Variants in C2CD5 observed in about 807,000 individuals in gnomAD.
C2CD5 encodes C2 domain-containing protein 5.
C2CD5 carries 109 observed loss-of-function variants against 130.3 expected under a neutral mutation model. The observed-to-expected ratio is 0.84, with a 90% confidence interval of 0.72 to 0.98. The LOEUF (loss-of-function observed/expected upper bound fraction) is 0.98, where lower values mean the gene tolerates loss of function less well. Ranked by LOEUF, C2CD5 falls within the 50% of genes least tolerant of loss-of-function variation. C2CD5 has a pLI of 0.00. For missense variants in C2CD5, 996 were observed against 1,261.8 expected, an observed-to-expected ratio of 0.79 and a Z score of 3.19; for synonymous variants, 454 against 429.2, an observed-to-expected ratio of 1.06 and a Z score of -0.71.
chr12:22,490,244 T>G lies in C2CD5; in HGVS notation c.1263-26A>C, dbSNP rs755623999. ...CTATAAAGGAAAAAACACAAACAAG[T>G]TAACATTTTTCAGACCGTATAACTT... On this transcript the variant is annotated intron_variant, in intron 11 of 26. Transcript: ENST00000446597. The G allele has an allele frequency of 1.5e-5, 23 of 1,512,860 alleles. No homozygotes were observed. In the South Asian group the frequency reaches 2.6e-4, roughly 17 times the overall value. 93.7% of individuals were successfully genotyped at this position (1,512,860 alleles called of 1,614,324 possible).
chr12:22,502,906 G>A lies in C2CD5; in HGVS notation c.1147+3805C>T, dbSNP rs551591213. On this transcript the variant is annotated intron_variant, in intron 10 of 26. Transcript: ENST00000446597. ...AAGAACGCAATTGACAACACCACTC[G>A]ACAGGAACTGGAAAGACATAGACAG... The A allele has an allele frequency of 7.6e-6, 5 of 655,136 alleles. No individual in the cohort carries two copies. The East Asian group carries it at 8.3e-5, about 11-fold the overall frequency. 40.6% of individuals were successfully genotyped at this position (655,136 alleles called of 1,614,324 possible). A position where few individuals can be genotyped will look rare whatever the true frequency, so the allele number is the denominator to read the frequency against.
chr12:22,463,935 C>T (rs1941628879), intron 22 of C2CD5: 1 of 152,074 alleles, frequency 6.6e-6, no homozygotes, highest in Admixed American at 6.6e-5. Context: ...TTATTATGAT[C>T]AAAACTGGGT....
chr12:22,527,351 G>C (rs1248501704), intron 4 of C2CD5, among the ~76,000 whole-genome samples: 1 of 124,080 alleles, frequency 8.1e-6, no homozygotes, highest in African/African-American at 3.6e-5. Flanking sequence ...TTTTTTTTGA[G>C]CTAGAGTTTC....
chr12:22,487,945 C>T (rs1431165628), intron 12 of C2CD5, among the ~76,000 whole-genome samples: 6 of 150,226 alleles, frequency 4.0e-5, no homozygotes, highest in African/African-American at 1.2e-4. Context: ...AGCAAACTAT[C>T]ACAAGGACAA....
intron 26 of C2CD5, among the ~76,000 whole-genome samples, chr12:22,452,295 T>C (rs1158472976): frequency 2.6e-5 from 4 of 152,188 alleles, no homozygotes; most frequent in Admixed American, 6.6e-5. Flanking sequence ...CTGCTCAGGA[T>C]GTGCCTGGTT....
At chr12:22,487,848 G>A (rs988647778) in intron 12 of C2CD5, among the ~76,000 whole-genome samples, 1 of 152,078 alleles carries the variant, frequency 6.6e-6, no homozygotes, top group East Asian at 1.9e-4. Context: ...GTGGCACCTA[G>A]ACACCATGGA....
intron 10 of C2CD5, among the ~76,000 whole-genome samples, chr12:22,500,481 G>C (rs1565737281): frequency 6.6e-6 from 1 of 152,126 alleles, no homozygotes; most frequent in Non-Finnish European, 1.5e-5. Flanking sequence ...CTGAGCTCAA[G>C]AATTACCACT....
At position 22,513,306 on chromosome 12, in the gene C2CD5, C is replaced by G; in HGVS notation, c.1026G>C (p.Ala342=). 1 of 1,607,942 alleles carries G rather than the reference C, an allele frequency of 6.2e-7. No homozygotes were observed. The highest frequency in any genetic ancestry group is 1.1e-5 in the South Asian group (1 of 90,950). The part of the protein sequence containing the change: ...KALLRQQTQS[A]LEQREFPFFT... Reference sequence around the variant, plus strand: ...AAGTGAATCTTACCCTCTGTTCCAACGCTGATTGAGTCTGTTGTCTTAAAA... The same window carrying G: ...AAGTGAATCTTACCCTCTGTTCCAAGGCTGATTGAGTCTGTTGTCTTAAAA... Residue 342 remains alanine (A), a synonymous_variant, in exon 9 of 27, where the codon GCG becomes GCC. Coordinates refer to ENST00000446597, the MANE Select transcript of C2CD5 (RefSeq NM_001286176.2).
intron 10 of C2CD5, among the ~76,000 whole-genome samples, chr12:22,506,174 T>C (rs1948509379): frequency 6.6e-6 from 1 of 152,114 alleles, no homozygotes; most frequent in Non-Finnish European, 1.5e-5. Context: ...ACACCCACAG[T>C]GTTTACATAG....
At chr12:22,539,111 T>TA (rs1952096709) in intron 2 of C2CD5, among the ~76,000 whole-genome samples, 2 of 152,182 alleles carry the variant, frequency 1.3e-5, no homozygotes, top group African/African-American at 4.8e-5. Context: ...CTTGAAACAG[T>TA]TGCCTATTCA....
At chr12:22,512,580 A>T in intron 9 of C2CD5, 1 of 1,109,010 alleles carries the variant, frequency 9.0e-7, no homozygotes, top group Non-Finnish European at 1.3e-6. Flanking sequence ...AATTTAAATG[A>T]CCAAGATTAA....
chr12:22,525,708 A>G lies in C2CD5; in HGVS notation c.350-3T>C. The G allele has an allele frequency of 7.2e-7, 1 of 1,396,610 alleles. No homozygotes were observed. Among genetic ancestry groups the G allele is most frequent in the South Asian group, 1.2e-5 (1 of 84,780 alleles). The allele number at this position is 1,396,610 out of a possible 1,614,324, so 86.5% of individuals were successfully genotyped here. On this transcript the variant is annotated splice_polypyrimidine_tract_variant and splice_region_variant and intron_variant, in intron 4 of 26. Transcript: ENST00000446597. ...TACATTGATTTCCCCACGGATACCT[A>G]TAAATTTAAAAAGAAAATCAAGTTT...
intron 21 of C2CD5, 147 bp downstream of exon 21, chr12:22,470,677 A>G (rs547216619): frequency 3.3e-6 from 2 of 597,042 alleles, no homozygotes; most frequent in South Asian, 2.2e-5. Flanking sequence ...TTATCCACAC[A>G]GTTATCTTCA....
chr12:22,456,591 A>G (rs1170504431), intron 25 of C2CD5, among the ~76,000 whole-genome samples: 2 of 152,234 alleles, frequency 1.3e-5, no homozygotes, highest in Admixed American at 1.3e-4. Context: ...TAAATTACAT[A>G]AAGTATCTCC....
intron 10 of C2CD5, chr12:22,497,717 A>C: frequency 1.6e-4 from 32 of 204,806 alleles, no homozygotes; most frequent in Non-Finnish European, 2.8e-4. Context: ...GAAGATTCTC[A>C]TTATAGAGGA....
chr12:22,530,219 T>G (rs1440508193), intron 3 of C2CD5, among the ~76,000 whole-genome samples: 4 of 147,434 alleles, frequency 2.7e-5, no homozygotes, highest in African/African-American at 9.9e-5. Context: ...TATATATAAC[T>G]GTATATATAC....
At chr12:22,513,587 C>A (rs1030157221) in intron 8 of C2CD5, among the ~76,000 whole-genome samples, 3 of 151,724 alleles carry the variant, frequency 2.0e-5, no homozygotes, top group African/African-American at 7.3e-5. Context: ...CCCTACTGAC[C>A]CCAGCTAGTT....
intron 3 of C2CD5, among the ~76,000 whole-genome samples, chr12:22,533,375 G>C (rs564298825): frequency 6.6e-6 from 1 of 152,106 alleles, no homozygotes; most frequent in Non-Finnish European, 1.5e-5. Flanking sequence ...CCAGCGTCTG[G>C]GCTATAATAA....
intron 12 of C2CD5, among the ~76,000 whole-genome samples, chr12:22,485,470 A>AC (rs1322887985): frequency 1.3e-5 from 2 of 152,018 alleles, no homozygotes; most frequent in Admixed American, 6.6e-5. Flanking sequence ...GCTACTAGGT[A>AC]CCCCCCAAAA....
Sources: allele counts gnomAD v4.1 joint callset (sites outside exome capture counted in the v4.1 genomes callset), GRCh38; gene constraint gnomAD v4.1.1; transcripts MANE v1.5; gene names NCBI Gene and HGNC (gene_info 2026-07-23, HGNC 2026-07-21).